Variants in MAPK8IP3 observed in about 807,000 individuals in gnomAD.
The protein encoded by MAPK8IP3 is C-Jun-amino-terminal kinase-interacting protein 3.
A neutral mutation model predicts 157.8 loss-of-function variants in MAPK8IP3; 49 were observed. The ratio of observed to expected loss-of-function variants is 0.31; its 90% CI spans 0.25 to 0.39. The LOEUF is 0.39. Ranked by LOEUF, MAPK8IP3 falls within the 10% of genes least tolerant of loss-of-function variation. MAPK8IP3 has a pLI of 1.00. For missense variants in MAPK8IP3, 1,478 were observed against 1,889.4 expected (o/e 0.78, Z 4.04); for synonymous variants, 897 against 777.7 (o/e 1.15, Z -2.55).
intron 19 of MAPK8IP3, 103 bp from the exon 20 acceptor site, chr16:1,764,910 G>A (rs2042168912): frequency 1.7e-6 from 2 of 1,210,912 alleles, no homozygotes; most frequent in South Asian, 2.9e-5. Flanking sequence ...TCAAGCTGTA[G>A]TCAAGGCTGG....
intron 5 of MAPK8IP3, chr16:1,745,117 A>C (rs919203313): frequency 1.0e-6 from 1 of 985,312 alleles, no homozygotes; most frequent in Non-Finnish European, 1.2e-6. Context: ...AGTTGTGGCC[A>C]GGGGGAGTGT....
rs537533973 is a variant in MAPK8IP3 at position 1,734,947 on chromosome 16, AGT to A, written c.602+5380_602+5381del. ...CAGTGTTCTCGGGCCACTGCTGCAG[AGT>A]GTGTGTGTGTCTGTGTGGCCACATG... On this transcript the variant is annotated intron_variant, in intron 4 of 31. Coordinates refer to ENST00000610761, the MANE Select transcript of MAPK8IP3 (RefSeq NM_001318852.2). The A allele has an allele frequency of 2.0e-3, 314 of 154,594 alleles. 1 individual carries two copies. Among genetic ancestry groups the A allele is most frequent in the Non-Finnish European group, 3.1e-3 (210 of 68,162 alleles). The allele number at this position is 154,594 out of a possible 1,614,324, so 9.6% of individuals were successfully genotyped here. A position where few individuals can be genotyped will look rare whatever the true frequency, so the allele number is the denominator to read the frequency against.
rs2037671581 is a variant in MAPK8IP3, at chr16:1,710,097, CAT to C, written c.318+3441_318+3442del. 6.6e-6 allele frequency among the ~76,000 whole-genome samples: 1 copy of C among 152,186 alleles called. No individual in the cohort carries two copies. Among genetic ancestry groups the C allele is most frequent in the Non-Finnish European group, 1.5e-5 (1 of 68,042 alleles). Reference sequence around the variant, plus strand: ...TACCGGCCAGGCGCAGCGACTCTCACATGTGTAATCCCAGCACTTTGGGAGGC... The same window carrying C: ...TACCGGCCAGGCGCAGCGACTCTCACGTGTAATCCCAGCACTTTGGGAGGC... On this transcript the variant is annotated intron_variant, in intron 1 of 31. Transcript: ENST00000610761. The surrounding 1 kb of genome is among the most constrained non-coding windows in gnomAD (Gnocchi z 4.1).
At chr16:1,723,913 G>T (rs12925525) in intron 1 of MAPK8IP3, among the ~76,000 whole-genome samples, 10,901 of 152,218 alleles carry the variant, frequency 0.072, 411 homozygotes, top group East Asian at 0.092. Flanking sequence ...ATAAGGTTAA[G>T]ATTCCAAACC....
chr16:1,738,607 ACCGT>A (rs567856956), intron 4 of MAPK8IP3, among the ~76,000 whole-genome samples: 39 of 121,658 alleles, frequency 3.2e-4, no homozygotes, highest in East Asian at 1.3e-3. Context: ...CATCTGTGTG[ACCGT>A]CCGTGTGAGC....
At position 1,769,185 on chromosome 16, in the gene MAPK8IP3, G is replaced by A. The variant is rs1324723157; in HGVS notation, c.*361G>A. ...CTCCTACTCCCCAGCACCCCTGGAG[G>A]AGGCAGGGGCTCCCCGCCGCCGAGG... is the stretch of plus-strand genomic sequence containing the variant. On this transcript the variant is annotated 3_prime_UTR_variant, in exon 32 of 32. Coordinates refer to ENST00000610761, the MANE Select transcript of MAPK8IP3 (RefSeq NM_001318852.2). The A allele has an allele frequency of 1.1e-5, 3 of 278,140 alleles. No individual in the cohort carries two copies. The highest frequency in any genetic ancestry group is 1.9e-4 in the East Asian group (2 of 10,544). 17.2% of individuals were successfully genotyped at this position (278,140 alleles called of 1,614,324 possible).
intron 4 of MAPK8IP3, among the ~76,000 whole-genome samples, chr16:1,731,054 T>C (rs898381766): frequency 4.0e-5 from 6 of 150,548 alleles, no homozygotes; most frequent in African/African-American, 9.8e-5. Context: ...GCAGGAGAAT[T>C]GCTTGAGCTT....
intron 4 of MAPK8IP3, among the ~76,000 whole-genome samples, chr16:1,730,650 T>C (rs568243071): frequency 2.2e-4 from 33 of 152,246 alleles, no homozygotes; most frequent in African/African-American, 7.9e-4. Flanking sequence ...GAGACCATCC[T>C]GGCTAACATG....
chr16:1,760,181 T>C (rs950167556), intron 11 of MAPK8IP3, 166 bp downstream of exon 11: 41 of 962,024 alleles, frequency 4.3e-5, no homozygotes, highest in Non-Finnish European at 5.7e-5. Flanking sequence ...GCCTGGTTTC[T>C]TTACGAAGCT....
chr16:1,744,879 T>C (rs1327475432), intron 5 of MAPK8IP3: 1 of 960,484 alleles, frequency 1.0e-6, no homozygotes, highest in Admixed American at 6.2e-5. Flanking sequence ...TTAAGTTCTT[T>C]TTATTTTATG....
At chr16:1,766,878 C>A in intron 24 of MAPK8IP3, 26 bp from the exon 25 acceptor site, 1 of 1,608,786 alleles carries the variant, frequency 6.2e-7, no homozygotes, top group Non-Finnish European at 8.5e-7. Context: ...CTGGCCCAAA[C>A]CAGGCTCACC....
chr16:1,755,399 T>C (rs1201917514), intron 8 of MAPK8IP3, among the ~76,000 whole-genome samples: 15 of 152,328 alleles, frequency 9.8e-5, no homozygotes, highest in Admixed American at 7.8e-4. Context: ...TGCTGGCACC[T>C]GTGGTCCTAG....
intron 1 of MAPK8IP3, among the ~76,000 whole-genome samples, chr16:1,719,081 T>C (rs2038346709): frequency 6.6e-6 from 1 of 152,174 alleles, no homozygotes; most frequent in African/African-American, 2.4e-5. Context: ...TCAAGCAATC[T>C]TCCTGCCTCA....
At chr16:1,750,071 A>C (rs1209034650) in intron 8 of MAPK8IP3, among the ~76,000 whole-genome samples, 1 of 152,144 alleles carries the variant, frequency 6.6e-6, no homozygotes, top group African/African-American at 2.4e-5. Context: ...TTTTCTGTGG[A>C]ACTTTTCTCA....
At chr16:1,711,031 C>T (rs60751323) in intron 1 of MAPK8IP3, among the ~76,000 whole-genome samples, 33,257 of 152,252 alleles carry the variant, frequency 0.22, 3,890 homozygotes, top group South Asian at 0.32. Context: ...CGCTCCGCTG[C>T]GGGAGCCCCC....
chr16:1,757,199 G>T (rs761160818), intron 8 of MAPK8IP3, among the ~76,000 whole-genome samples: 1 of 151,992 alleles, frequency 6.6e-6, no homozygotes, highest in South Asian at 2.1e-4. Context: ...TCTGCCTCCC[G>T]GGTTCAGCCA....
At chr16:1,714,450 CAG>C (rs764763873) in intron 1 of MAPK8IP3, among the ~76,000 whole-genome samples, 1 of 146,274 alleles carries the variant, frequency 6.8e-6, no homozygotes, top group Non-Finnish European at 1.5e-5. Context: ...TGAAACGCGA[CAG>C]GGCCTTTCCT....
chr16:1,759,601 C>A (rs1188784611), intron 10 of MAPK8IP3, among the ~76,000 whole-genome samples: 1 of 152,208 alleles, frequency 6.6e-6, no homozygotes, highest in Non-Finnish European at 1.5e-5. Flanking sequence ...TGTCCCCTCA[C>A]CGCAGCTCCA....
At position 1,768,632 on chromosome 16, in the gene MAPK8IP3, C is replaced by T. The variant is rs767305820; in HGVS notation, c.3892+6C>T. The T allele has an allele frequency of 9.3e-6, 15 of 1,605,906 alleles. No individual in the cohort carries two copies. Among genetic ancestry groups the T allele is most frequent in the South Asian group, 7.7e-5 (7 of 90,470 alleles). ...CTACATCGACTTCCGCATTGGTGAG[C>T]GGGGCCCAGGGACAGGGCTGAGGTT... is the stretch of plus-strand genomic sequence containing the variant. On this transcript the variant is annotated splice_donor_region_variant and intron_variant, in intron 31 of 31. Transcript: ENST00000610761.
Sources: gnomAD v4.1 joint callset for allele counts (sites outside exome capture counted in the v4.1 genomes callset) on GRCh38, gnomAD v4.1.1 for gene constraint, Gnocchi (gnomAD v3.1) non-coding constraint, MANE v1.5 for transcripts, NCBI Gene and HGNC (gene_info 2026-07-23, HGNC 2026-07-21) for gene names.